Variants in DSP observed in about 807,000 individuals in gnomAD.
DSP encodes the protein desmoplakin, also known as 250/210 kDa paraneoplastic pemphigus antigen.
DSP carries 114 observed loss-of-function variants against 290.6 expected under a neutral mutation model. The observed-to-expected ratio is 0.39, with a 90% CI of 0.34 to 0.46. The LOEUF is 0.46. Among genes scored for constraint, DSP ranks in the 20% least tolerant of loss-of-function variants. The pLI is 0.99. For missense variants in DSP, 3,230 were observed against 3,495.8 expected, an observed-to-expected ratio of 0.92 and a Z score of 1.92; for synonymous variants, 1,311 against 1,316.4, an observed-to-expected ratio of 1.00 and a Z score of 0.09.
chr6:7,542,776 G>A (rs1250933611), intron 1 of DSP, among the ~76,000 whole-genome samples: 1 of 152,294 alleles, frequency 6.6e-6, no homozygotes, highest in African/African-American at 2.4e-5. Context: ...GTTACCTTCG[G>A]TCGTCCGCGC....
chr6:7,584,603 A>C lies in DSP; in HGVS notation c.7341A>C (p.Lys2447Asn), dbSNP rs755448403. 2 of 1,614,078 alleles carry C rather than the reference A, an allele frequency of 1.2e-6. No homozygotes were observed. The highest frequency in any genetic ancestry group is 4.5e-5 in the East Asian group (2 of 44,880). ...CAGGGCTCTGTCTTCTGCCTCTGAAAGAAAAGAAGAAACAGGTGCAGACAT... is the reference window on the plus strand; with the variant it reads ...CAGGGCTCTGTCTTCTGCCTCTGAACGAAAAGAAGAAACAGGTGCAGACAT... ...EETGLCLLPLKEKKKQVQTSQ... is the reference protein window; with the variant it reads ...EETGLCLLPLNEKKKQVQTSQ... The change falls in exon 24 of 24, where the codon AAA becomes AAC. Residue 2447 changes from lysine to asparagine, a missense_variant. By Grantham distance (94) the Lys-to-Asn change is moderately conservative. This residue lies in a region of DSP where 582 missense variants were observed against 555.4 expected (regional missense o/e 1.05). Coordinates refer to ENST00000379802, the MANE Select transcript of DSP (RefSeq NM_004415.4). This position sits in a 1 kb window ranked among gnomAD's most constrained non-coding sequence, Gnocchi z 6.4.
Position 7,542,019 on chromosome 6 carries a change from G to C in DSP, c.104G>C (p.Gly35Ala), listed in dbSNP as rs202194206. 4 of 1,585,600 alleles carry C rather than the reference G, an allele frequency of 2.5e-6. No homozygotes were observed. The East Asian group carries it at 6.9e-5, about 27-fold the overall frequency. ...DLRYEVTSGG[G>A]GTSRMYYSRR... ...CGCTACGAGGTGACCAGCGGCGGCGGGGGCACCAGCAGGATGTACTATTCT... is the reference window on the plus strand; with the variant it reads ...CGCTACGAGGTGACCAGCGGCGGCGCGGGCACCAGCAGGATGTACTATTCT... Residue 35 changes from glycine to alanine, a missense_variant, in exon 1 of 24, where the codon GGG becomes GCG. Around this residue, in one of 5 missense-constraint regions of DSP, gnomAD observed 646 missense variants for 684.3 expected, o/e 0.94. Coordinates refer to ENST00000379802, the MANE Select transcript of DSP (RefSeq NM_004415.4).
In DSP at chr6:7,583,335, C is replaced by T. The variant is rs1759514545; in HGVS notation, c.6073C>T (p.Pro2025Ser). 8 of 1,614,132 alleles carry T rather than the reference C, an allele frequency of 5.0e-6. No homozygotes were observed. Among genetic ancestry groups the T allele is most frequent in the Non-Finnish European group, 5.9e-6 (7 of 1,180,022 alleles). Residue 2025 changes from proline to serine, a missense_variant, in exon 24 of 24, where the codon CCT becomes TCT. By Grantham distance (74) the Pro-to-Ser change is moderately conservative. Transcript: ENST00000379802. This position sits in a 1 kb window ranked among gnomAD's most constrained non-coding sequence, Gnocchi z 4.0. ...AGSIAGASAS[P>S]KEKYSLVEAK... ...ATCTATCGCTGGAGCATCTGCTTCT[C>T]CTAAGGAAAAATACTCTTTGGTAGA...
intron 9 of DSP, 47 bp from the exon 10 acceptor site, chr6:7,567,734 G>C (rs761785140): frequency 6.2e-7 from 1 of 1,612,502 alleles, no homozygotes; most frequent in African/African-American, 1.3e-5. Context: ...AGATGAAATT[G>C]CTCATTGAGT....
At chr6:7,577,970 C>T in intron 21 of DSP, 84 bp downstream of exon 21, 7 of 1,094,352 alleles carry the variant, frequency 6.4e-6, no homozygotes, top group Non-Finnish European at 9.7e-6. Flanking sequence ...CTTCCCTTTT[C>T]CCTGTCTCCT....
Position 7,558,257 on chromosome 6 carries a change from CA to C in DSP, c.416del (p.Gln139ArgfsTer57), listed in dbSNP as rs1390240402. 1 of 1,614,008 alleles carries C rather than the reference CA, an allele frequency of 6.2e-7. No individual in the cohort carries two copies. The highest frequency in any genetic ancestry group is 1.1e-5 in the South Asian group (1 of 91,054). On this transcript the variant is annotated frameshift_variant, in exon 3 of 24. Transcript: ENST00000379802. LOFTEE classifies it high-confidence loss of function. Reference protein sequence around the residue: ...RQMGQPCDAYQKRLLQLQEQM... With the variant: ...RQMGQPCDAYXKRLLQLQEQM... ...GATGGGCCAGCCCTGTGATGCTTAC[CA>C]GAAAAGGTATTGTCCACAGAGCATG...
intron 8 of DSP, among the ~76,000 whole-genome samples, chr6:7,566,682 T>C (rs185099568): frequency 1.3e-5 from 2 of 152,310 alleles, no homozygotes; most frequent in Admixed American, 1.3e-4. Flanking sequence ...TTCAGGCCAT[T>C]TGGTCTCTGT....
Position 7,585,936 on chromosome 6 carries a change from T to C in DSP, c.*58T>C, listed in dbSNP as rs753281894. On this transcript the variant is annotated 3_prime_UTR_variant, in exon 24 of 24. Coordinates refer to ENST00000379802, the MANE Select transcript of DSP (RefSeq NM_004415.4). ...TTCATTTATATGAATTTCCACTTTA[T>C]TAAATAATAGAAAAGAAAATCCCGG... The C allele has an allele frequency of 1.7e-4, 264 of 1,545,222 alleles. No homozygotes were observed. The highest frequency in any genetic ancestry group is 2.2e-4 in the Non-Finnish European group (249 of 1,125,086).
intron 1 of DSP, among the ~76,000 whole-genome samples, chr6:7,550,300 C>T (rs1330534758): frequency 6.6e-6 from 1 of 151,960 alleles, no homozygotes; most frequent in Non-Finnish European, 1.5e-5. Flanking sequence ...AGCAATCCGG[C>T]GGCCTCTGCC....
intron 1 of DSP, among the ~76,000 whole-genome samples, chr6:7,543,246 C>T (rs1758069724): frequency 6.6e-6 from 1 of 151,916 alleles, no homozygotes; most frequent in African/African-American, 2.4e-5. Context: ...GGCGTTGTGG[C>T]CCTAGGCCTG....
In DSP at chr6:7,570,444, C is replaced by T. The variant is rs1267435790; in HGVS notation, c.1582C>T (p.Gln528Ter). Residue 528 changes from glutamine to a stop codon, truncating the protein, a stop_gained, in exon 13 of 24, where the codon CAG (glutamine) becomes TAG (stop). Coordinates refer to ENST00000379802, the MANE Select transcript of DSP (RefSeq NM_004415.4). LOFTEE classifies it high-confidence loss of function. ...TCCCTTTGTGCCTCTTAGGATTGAGCAGTACTACGAAGCCATCTTGGCTCT... is the reference window on the plus strand; with the variant it reads ...TCCCTTTGTGCCTCTTAGGATTGAGTAGTACTACGAAGCCATCTTGGCTCT... ...LAVDLSCKIE[Q>*]YYEAILALWN... 3 of 1,614,050 alleles carry T rather than the reference C, an allele frequency of 1.9e-6. No individual in the cohort carries two copies. The African/African-American group carries it at 4.0e-5, about 22-fold the overall frequency.
intron 1 of DSP, among the ~76,000 whole-genome samples, chr6:7,552,685 A>C (rs1349064883): frequency 2.0e-5 from 3 of 150,004 alleles, no homozygotes; most frequent in African/African-American, 7.4e-5. Flanking sequence ...TTTAAGTTCA[A>C]ATATGGGTAG....
At chr6:7,571,306 AT>A (rs1759042634) in intron 13 of DSP, 76 bp from the exon 14 acceptor site, 6 of 1,517,228 alleles carry the variant, frequency 4.0e-6, no homozygotes, top group Non-Finnish European at 5.5e-6. Context: ...AGTGGGTGGC[AT>A]TTTTTGGCCA....
At chr6:7,566,568 C>T (rs1295645890) in intron 8 of DSP, 87 bp downstream of exon 8, 2 of 1,091,688 alleles carry the variant, frequency 1.8e-6, no homozygotes, top group East Asian at 2.6e-5. Flanking sequence ...TCTTATATGA[C>T]TTAAAGCCGT....
At chr6:7,576,023 T>G (rs1759230069) in intron 18 of DSP, among the ~76,000 whole-genome samples, 1 of 152,232 alleles carries the variant, frequency 6.6e-6, no homozygotes. Context: ...GTACATCATT[T>G]TCTATTTTTT....
rs879254348 is a variant in DSP, at chr6:7,582,959, C to G, written c.5697C>G (p.Ile1899Met). The change falls in exon 24 of 24, where the codon ATC becomes ATG. Residue 1899 changes from isoleucine (I) to methionine (M), a missense_variant. This residue lies in a region of DSP where 1,714 missense variants were observed against 1,844.5 expected (regional missense o/e 0.93). Coordinates refer to ENST00000379802, the MANE Select transcript of DSP (RefSeq NM_004415.4). This position sits in a 1 kb window ranked among gnomAD's most constrained non-coding sequence, Gnocchi z 4.2. ...EREKNSLRSE[I>M]ERLQAEIKRI... is the part of the protein sequence containing the mutation. ...AGAAGAACAGTCTTAGGAGTGAGAT[C>G]GAAAGACTCCAAGCAGAGATCAAGA... 6.8e-6 allele frequency: 11 copies of G among 1,613,808 alleles called. No individual in the cohort carries two copies. The highest frequency in any genetic ancestry group is 9.3e-6 in the Non-Finnish European group (11 of 1,179,976).
chr6:7,580,878 T>A lies in DSP; in HGVS notation c.4688T>A (p.Leu1563Gln). Residue 1563 changes from leucine to glutamine, a missense_variant, in exon 23 of 24, where the codon CTG (leucine) becomes CAG (glutamine). Transcript: ENST00000379802. This position sits in a 1 kb window ranked among gnomAD's most constrained non-coding sequence, Gnocchi z 4.2. ...DQDITRFQNS[L>Q]KELQLQKQKV... is the part of the protein sequence containing the mutation. The stretch of plus-strand genomic sequence containing the variant: ...GATATCACGCGGTTCCAGAACTCTC[T>A]GAAAGAGCTGCAGCTGCAGAAGCAG... 6 of 1,614,074 alleles carry A rather than the reference T, an allele frequency of 3.7e-6. No homozygotes were observed. Among genetic ancestry groups the A allele is most frequent in the Non-Finnish European group, 4.2e-6 (5 of 1,180,004 alleles).
Position 7,565,578 on chromosome 6 carries a change from T to C in DSP, c.939+58T>C. The C allele has an allele frequency of 6.2e-7, 1 of 1,604,224 alleles. No homozygotes were observed. The highest frequency in any genetic ancestry group is 8.5e-7 in the Non-Finnish European group (1 of 1,171,718). On this transcript the variant is annotated intron_variant, in intron 7 of 23. Coordinates refer to ENST00000379802, the MANE Select transcript of DSP (RefSeq NM_004415.4). The surrounding 1 kb of genome is among the most constrained non-coding windows in gnomAD (Gnocchi z 4.2). ...TCTTGAGCCTGTTGCCTTGAAGAGC[T>C]GGGGTCTCGGGGAATGATTGGTCTA...
chr6:7,569,462 A>G, intron 12 of DSP, 122 bp downstream of exon 12: 1 of 1,446,262 alleles, frequency 6.9e-7, no homozygotes, highest in South Asian at 1.2e-5. Context: ...ACACCTTCTA[A>G]AAAAAGGAAC....
Sources: gnomAD v4.1 joint callset for allele counts (sites outside exome capture counted in the v4.1 genomes callset) on GRCh38, gnomAD v4.1.1 for gene constraint, gnomAD v4.1.1 regional missense constraint, Gnocchi (gnomAD v3.1) non-coding constraint, MANE v1.5 for transcripts, NCBI Gene and HGNC (gene_info 2026-07-23, HGNC 2026-07-21) for gene names.